SELENON: variants seen among roughly 807,000 people sequenced by gnomAD.
The protein encoded by SELENON is selenoprotein N, 1.
A neutral mutation model predicts 59.5 loss-of-function variants in SELENON; 44 were observed. The ratio of observed to expected loss-of-function variants is 0.74; its 90% confidence interval spans 0.58 to 0.95. SELENON has a LOEUF of 0.95. Among genes scored for constraint, SELENON ranks in the 40% least tolerant of loss-of-function variants. SELENON has a pLI of 0.00. For missense variants in SELENON, 674 were observed against 721.4 expected (o/e 0.93, Z 0.75); for synonymous variants, 320 against 305.6 (o/e 1.05, Z -0.49).
chr1:25,809,631 C>T (rs959859581), intron 6 of SELENON, 52 bp from the exon 6 acceptor site: 13 of 1,609,494 alleles, frequency 8.1e-6, no homozygotes, highest in South Asian at 2.2e-5. Context: ...GCTTCCCGGG[C>T]TCCTGGGGAG....
intron 6 of SELENON, 141 bp from the exon 6 acceptor site, chr1:25,809,542 G>T (rs748673850): frequency 1.6e-6 from 2 of 1,213,836 alleles, no homozygotes; most frequent in Non-Finnish European, 2.4e-6. Context: ...GCAGCATTTG[G>T]AGAGCCTCGC....
intron 2 of SELENON, chr1:25,801,993 CTTTTT>C: frequency 4.0e-5 from 9 of 224,854 alleles, no homozygotes; most frequent in South Asian, 8.4e-5. Flanking sequence ...GCAGCTATAA[CTTTTT>C]TTTTTTTTTT....
rs971733182 is a variant in SELENON, at chr1:25,807,193, AAGG to A, written c.538-1381_538-1379del. Among the ~76,000 whole-genome samples, 5 of 152,078 alleles carry A rather than the reference AAGG, an allele frequency of 3.3e-5. No homozygotes were observed. Among genetic ancestry groups the A allele is most frequent in the African/African-American group, 1.2e-4 (5 of 41,394 alleles). ...AGGTTCAGGGAGGGACAGAAATTCC[AAGG>A]AGGAGCTCACAGGGAAGGGCATTGC... On this transcript the variant is annotated intron_variant, in intron 4 of 12. Coordinates refer to ENST00000361547, the MANE Select transcript of SELENON (RefSeq NM_020451.3). The surrounding 1 kb of genome is among the most constrained non-coding windows in gnomAD (Gnocchi z 4.5).
chr1:25,813,643 T>C (rs1361728654), intron 10 of SELENON: 5 of 607,618 alleles, frequency 8.2e-6, no homozygotes, highest in Admixed American at 4.3e-5. Flanking sequence ...GCTGTCACTG[T>C]CTGCAAGTCC....
chr1:25,806,634 G>A (rs1281823060), intron 4 of SELENON, among the ~76,000 whole-genome samples: 1 of 152,146 alleles, frequency 6.6e-6, no homozygotes, highest in Non-Finnish European at 1.5e-5. Flanking sequence ...GTCTGCACAT[G>A]TTGAAGTTGA....
rs59333545 is a variant in SELENON at position 25,812,564 on chromosome 1, AACACACACACACACAC to A, written c.1282-96_1282-81del. The stretch of plus-strand genomic sequence containing the variant: ...ACACAAATATATATGCCTACACACA[AACACACACACACACAC>A]ACACACACACACACACACACACACA... On this transcript the variant is annotated intron_variant, in intron 9 of 12. Coordinates refer to ENST00000361547, the MANE Select transcript of SELENON (RefSeq NM_020451.3). 697 of 574,476 alleles carry A rather than the reference AACACACACACACACAC, an allele frequency of 1.2e-3. 1 individual carries two copies. Among genetic ancestry groups the A allele is most frequent in the African/African-American group, 8.7e-3 (398 of 45,508 alleles). The allele number at this position is 574,476 out of a possible 1,614,324, so 35.6% of individuals were successfully genotyped here. A position where few individuals can be genotyped will look rare whatever the true frequency, so the allele number is the denominator to read the frequency against.
chr1:25,811,272 G>C (rs903177958), intron 7 of SELENON, among the ~76,000 whole-genome samples, 182 bp from the exon 7 acceptor site: 3 of 152,222 alleles, frequency 2.0e-5, no homozygotes, highest in Non-Finnish European at 4.4e-5. Context: ...GGGCAGCCTG[G>C]TGGGGAAGAG....
At chr1:25,811,420 T>C (rs1299733788) in intron 7 of SELENON, 34 bp from the exon 7 acceptor site, 1 of 1,562,196 alleles carries the variant, frequency 6.4e-7, no homozygotes, top group East Asian at 2.2e-5. Flanking sequence ...TAATGGGCTT[T>C]GATGATGGTG....
chr1:25,815,318 G>C (rs1335464592), intron 12 of SELENON, among the ~76,000 whole-genome samples: 1 of 151,968 alleles, frequency 6.6e-6, no homozygotes, highest in Non-Finnish European at 1.5e-5. Context: ...GAAGGTGTTG[G>C]GTTTTCACTT....
chr1:25,811,351 T>A lies in SELENON; in HGVS notation c.1011-103T>A, dbSNP rs58522269. Reference sequence around the variant, plus strand: ...GTGTTCACCTTGAGAAACCTCAGTGTCCTCATCTGGAAAGTGGAGACAGTT... The same window carrying A: ...GTGTTCACCTTGAGAAACCTCAGTGACCTCATCTGGAAAGTGGAGACAGTT... On this transcript the variant is annotated intron_variant, in intron 7 of 12. Transcript: ENST00000361547. The A allele has an allele frequency of 5.4e-3, 5,552 of 1,036,394 alleles. 202 individuals carry two copies. In the African/African-American group the frequency reaches 0.074, roughly 14 times the overall value. The allele number at this position is 1,036,394 out of a possible 1,614,324, so 64.2% of individuals were successfully genotyped here. A position where few individuals can be genotyped will look rare whatever the true frequency, so the allele number is the denominator to read the frequency against.
rs373530866 is a variant in SELENON, at chr1:25,815,689, C to T, written c.1744C>T (p.Arg582Trp). ...CATGCAGTTCCTGAAGGAGGGACTC[C>T]GGCGTGGCCTGCCCCTCCTCCAGCC... Residue 582 changes from arginine (R) to tryptophan (W), a missense_variant, in exon 13 of 13, where the codon CGG becomes TGG. Coordinates refer to ENST00000361547, the MANE Select transcript of SELENON (RefSeq NM_020451.3). 65 of 1,614,142 alleles carry T rather than the reference C, an allele frequency of 4.0e-5. No individual in the cohort carries two copies. The highest frequency in any genetic ancestry group is 3.3e-4 in the African/African-American group (25 of 75,054).
Position 25,800,341 on chromosome 1 carries a change from G to A in SELENON, c.111G>A (p.Leu37=). The stretch of plus-strand genomic sequence containing the variant: ...GTTCCCTGGCGCTGCTCGGAGCCCT[G>A]CTGGCCGCCGCCGCTGCCGCCGCCG... The change falls in exon 1 of 13, where the codon CTG becomes CTA. Residue 37 remains leucine, a synonymous_variant. Transcript: ENST00000361547. 1 of 1,020,000 alleles carries A rather than the reference G, an allele frequency of 9.8e-7. No individual in the cohort carries two copies. Among genetic ancestry groups the A allele is most frequent in the Non-Finnish European group, 1.2e-6 (1 of 854,236 alleles). The allele number at this position is 1,020,000 out of a possible 1,614,324, so 63.2% of individuals were successfully genotyped here.
rs1295238634 is a variant in SELENON, at chr1:25,800,989, A to ACCAGGAGACCAGGCCGCCAAATGGTGC, written c.184-49_184-23dup. ...ATGCGGAAGCAACTGCCTGTTGGGG[A>ACCAGGAGACCAGGCCGCCAAATGGTGC]CCAGGAGACCAGGCCGCCAAATGGT... On this transcript the variant is annotated intron_variant, in intron 1 of 12. Coordinates refer to ENST00000361547, the MANE Select transcript of SELENON (RefSeq NM_020451.3). 27 of 1,417,554 alleles carry ACCAGGAGACCAGGCCGCCAAATGGTGC rather than the reference A, an allele frequency of 1.9e-5. No homozygotes were observed. The Admixed American group carries it at 2.0e-4, about 11-fold the overall frequency. The allele number at this position is 1,417,554 out of a possible 1,614,324, so 87.8% of individuals were successfully genotyped here.
At chr1:25,811,424 G>A in intron 7 of SELENON, 30 bp from the exon 7 acceptor site, 4 of 1,579,332 alleles carry the variant, frequency 2.5e-6, no homozygotes, top group Non-Finnish European at 3.5e-6. Context: ...GGGCTTTGAT[G>A]ATGGTGTCAC....
At chr1:25,809,283 T>G in intron 6 of SELENON, 133 bp downstream of exon 5, 1 of 1,358,210 alleles carries the variant, frequency 7.4e-7, no homozygotes, top group Non-Finnish European at 1.0e-6. Flanking sequence ...CAGCTTTGGC[T>G]CTCTGAGCCT....
In SELENON at chr1:25,813,883, T is replaced by C; in HGVS notation, c.1390T>C (p.Ser464Pro). ...CACCCTTCTGTCTTCCTGAACAGGTTCAGGGCGGACTCTCCGGGAGACTGT... is the reference window on the plus strand; with the variant it reads ...CACCCTTCTGTCTTCCTGAACAGGTCCAGGGCGGACTCTCCGGGAGACTGT... Residue 464 changes from serine (S) to proline (P), a missense_variant and splice_region_variant, in exon 11 of 13, where the codon TCA (serine) becomes CCA (proline). Physicochemically the swap from Ser to Pro is moderately conservative, Grantham distance 74. Transcript: ENST00000361547. The C allele has an allele frequency of 1.2e-6, 2 of 1,613,856 alleles. No homozygotes were observed. The highest frequency in any genetic ancestry group is 1.7e-6 in the Non-Finnish European group (2 of 1,179,824).
chr1:25,809,219 G>A (rs2047937172), intron 6 of SELENON, 69 bp downstream of exon 5: 1 of 1,606,804 alleles, frequency 6.2e-7, no homozygotes, highest in Non-Finnish European at 8.5e-7. Context: ...AGAGGGGAGG[G>A]CCCAGCTTGA....
In SELENON at chr1:25,805,203, G is replaced by A. The variant is rs753774853; in HGVS notation, c.465G>A (p.Thr155=). 79 of 1,614,014 alleles carry A rather than the reference G, an allele frequency of 4.9e-5. 1 individual carries two copies. The Middle Eastern group carries it at 8.2e-4, about 17-fold the overall frequency. Reference sequence around the variant, plus strand: ...TGCCCCCTGACCCTAGCGAGGAGACGCTCACCATAGAAGCCCGATTCCAGC... The same window carrying A: ...TGCCCCCTGACCCTAGCGAGGAGACACTCACCATAGAAGCCCGATTCCAGC... The change falls in exon 4 of 13, where the codon ACG becomes ACA. Residue 155 remains threonine (T), a synonymous_variant. Coordinates refer to ENST00000361547, the MANE Select transcript of SELENON (RefSeq NM_020451.3).
Position 25,811,894 on chromosome 1 carries a change from G to T in SELENON, c.1281+15G>T, listed in dbSNP as rs886038657. On this transcript the variant is annotated intron_variant, in intron 9 of 12. Transcript: ENST00000361547. ...CCTTCAAGAAGGTGAGGCTGGGCAG[G>T]GGTGAAGGCCAGGGTCAGGCTGCAT... is the stretch of plus-strand genomic sequence containing the variant. The T allele has an allele frequency of 1.3e-6, 2 of 1,554,096 alleles. No individual in the cohort carries two copies. The highest frequency in any genetic ancestry group is 1.7e-6 in the Non-Finnish European group (2 of 1,149,282).
Sources: gnomAD v4.1 joint callset for allele counts (sites outside exome capture counted in the v4.1 genomes callset) on GRCh38, gnomAD v4.1.1 for gene constraint, Gnocchi (gnomAD v3.1) non-coding constraint, MANE v1.5 for transcripts, NCBI Gene and HGNC (gene_info 2026-07-23, HGNC 2026-07-21) for gene names.